Variants in PEX7 observed in about 807,000 individuals in gnomAD.
PEX7 encodes peroxisomal biogenesis factor 7, also known as PTS2 receptor.
PEX7 carries 34 observed loss-of-function variants against 47.5 expected under a neutral mutation model. The observed-to-expected ratio is 0.72, with a 90% CI of 0.54 to 0.95. PEX7 has a LOEUF of 0.95. Among genes scored for constraint, PEX7 ranks in the 40% least tolerant of loss-of-function variants. The probability of loss-of-function intolerance (pLI) is 0.00; values close to 1 mark genes in which losing one functional copy is unlikely to be tolerated. For synonymous variants in PEX7, 141 were observed against 148.8 expected, an observed-to-expected ratio of 0.95 and a Z score of 0.38; for missense variants, 394 against 400.3, an observed-to-expected ratio of 0.98 and a Z score of 0.13.
chr6:136,830,009 T>C lies in PEX7; in HGVS notation c.339+3540T>C, dbSNP rs755511272. The C allele has an allele frequency of 9.8e-6, 7 of 711,212 alleles. No individual in the cohort carries two copies. The African/African-American group carries it at 1.2e-4, about 13-fold the overall frequency. 44.1% of individuals were successfully genotyped at this position (711,212 alleles called of 1,614,324 possible). The stretch of plus-strand genomic sequence containing the variant: ...TCTGTTTTTTTTTTTTCCACCAGTA[T>C]GTTCAGGGAAGCTGTGTTGTGAAAT... On this transcript the variant is annotated intron_variant, in intron 3 of 9. Coordinates refer to ENST00000318471, the MANE Select transcript of PEX7 (RefSeq NM_000288.4).
chr6:136,861,370 A>G (rs1231122161), intron 5 of PEX7, among the ~76,000 whole-genome samples: 1 of 152,222 alleles, frequency 6.6e-6, no homozygotes, highest in Non-Finnish European at 1.5e-5. Flanking sequence ...AGTGTGAGCC[A>G]CCATGCCTGA....
At chr6:136,899,264 CAG>C (rs968912371) in intron 9 of PEX7, among the ~76,000 whole-genome samples, 2 of 143,108 alleles carry the variant, frequency 1.4e-5, no homozygotes, top group Non-Finnish European at 3.0e-5. Context: ...TTTTTTTTGA[CAG>C]AGTTTTTGCT....
At chr6:136,869,742 T>C in intron 6 of PEX7, 148 bp from the exon 7 acceptor site, 1 of 754,746 alleles carries the variant, frequency 1.3e-6, no homozygotes, top group Non-Finnish European at 2.4e-6. Context: ...TTGATTCCTG[T>C]CTATACTTGT....
At chr6:136,833,791 A>G (rs1487601994) in intron 3 of PEX7, among the ~76,000 whole-genome samples, 1 of 152,166 alleles carries the variant, frequency 6.6e-6, no homozygotes, top group African/African-American at 2.4e-5. Flanking sequence ...TTCAATTCTC[A>G]TGTTTTAAAA....
At chr6:136,844,756 G>GT (rs1167753962) in intron 3 of PEX7, among the ~76,000 whole-genome samples, 2 of 151,748 alleles carry the variant, frequency 1.3e-5, no homozygotes, top group Admixed American at 6.6e-5. Context: ...TATTACTGAT[G>GT]TTTTTTTTCC....
chr6:136,897,157 C>T (rs1199263258), intron 8 of PEX7, among the ~76,000 whole-genome samples: 1 of 152,192 alleles, frequency 6.6e-6, no homozygotes. Context: ...AGGGCCAACT[C>T]TGTATTTATT....
intron 9 of PEX7, among the ~76,000 whole-genome samples, chr6:136,906,754 C>T (rs1433386704): frequency 2.0e-5 from 3 of 152,180 alleles, no homozygotes; most frequent in African/African-American, 7.2e-5. Context: ...AATTCCTGGA[C>T]AATCACTCCT....
At chr6:136,904,899 C>T (rs1562759301) in intron 9 of PEX7, among the ~76,000 whole-genome samples, 1 of 152,156 alleles carries the variant, frequency 6.6e-6, no homozygotes, top group Non-Finnish European at 1.5e-5. Flanking sequence ...AATTTCCTTT[C>T]TCTTGATTAT....
chr6:136,823,416 G>A (rs555537736), intron 1 of PEX7: 3 of 922,772 alleles, frequency 3.3e-6, no homozygotes, highest in South Asian at 5.0e-5. Flanking sequence ...GTCTCCCGTC[G>A]CGCGCATTGG....
At chr6:136,906,086 C>G (rs1775840326) in intron 9 of PEX7, among the ~76,000 whole-genome samples, 1 of 152,164 alleles carries the variant, frequency 6.6e-6, no homozygotes, top group East Asian at 1.9e-4. Flanking sequence ...CCCATTGATT[C>G]TCCATGTTGC....
Position 136,822,742 on chromosome 6 carries a change from C to A in PEX7, c.77C>A (p.Pro26Gln). 6.7e-7 allele frequency: 1 copy of A among 1,496,836 alleles called. No homozygotes were observed. 92.7% of individuals were successfully genotyped at this position (1,496,836 alleles called of 1,614,324 possible). A position where few individuals can be genotyped will look rare whatever the true frequency, so the allele number is the denominator to read the frequency against. The part of the protein sequence containing the change: ...GRHGYAAEFS[P>Q]YLPGRLACAT... ...CACGGCTACGCCGCCGAGTTCTCCC[C>A]GTACCTGCCGGGCCGCCTGGCCTGC... Residue 26 changes from proline (P) to glutamine (Q), a missense_variant, in exon 1 of 10, where the codon CCG becomes CAG. Pro to Gln is a moderately conservative substitution (Grantham distance 76). Transcript: ENST00000318471.
intron 5 of PEX7, among the ~76,000 whole-genome samples, chr6:136,847,667 T>G (rs575055233): frequency 3.8e-4 from 57 of 151,614 alleles, no homozygotes; most frequent in African/African-American, 1.2e-3. Context: ...ATATGCGGCA[T>G]TATTTCTGAG....
rs187307238 is a variant in PEX7 at position 136,846,413 on chromosome 6, G to A, written c.526+232G>A. Among the ~76,000 whole-genome samples, 300 of 152,038 alleles carry A rather than the reference G, an allele frequency of 2.0e-3. 3 individuals carry two copies. Among genetic ancestry groups the A allele is most frequent in the African/African-American group, 6.5e-3 (270 of 41,452 alleles). ...ACGTGCGGGTTTGTTACATGTGTGT[G>A]CATGTGTGCCATGTTGGTGTGCTGC... On this transcript the variant is annotated intron_variant, in intron 5 of 9. Coordinates refer to ENST00000318471, the MANE Select transcript of PEX7 (RefSeq NM_000288.4).
intron 9 of PEX7, among the ~76,000 whole-genome samples, chr6:136,902,158 A>C (rs753243975): frequency 6.6e-6 from 1 of 152,146 alleles, no homozygotes; most frequent in Admixed American, 6.5e-5. Flanking sequence ...AAGTTAATTT[A>C]ATTTTACTCT....
At chr6:136,878,241 C>T (rs952828410) in intron 8 of PEX7, among the ~76,000 whole-genome samples, 1 of 152,216 alleles carries the variant, frequency 6.6e-6, no homozygotes, top group African/African-American at 2.4e-5. Flanking sequence ...ACAATCATGT[C>T]ATCTGCAAAC....
intron 3 of PEX7, among the ~76,000 whole-genome samples, chr6:136,835,141 T>C (rs1248544397): frequency 6.6e-6 from 1 of 152,088 alleles, no homozygotes; most frequent in Non-Finnish European, 1.5e-5. Context: ...GTCAGGCTGG[T>C]CTTGAACTCC....
At chr6:136,832,529 A>T (rs1246284881) in intron 3 of PEX7, among the ~76,000 whole-genome samples, 2 of 152,216 alleles carry the variant, frequency 1.3e-5, no homozygotes, top group African/African-American at 2.4e-5. Context: ...CCCCCCAAGA[A>T]ATAGGTTTTT....
At position 136,907,781 on chromosome 6, in the gene PEX7, G is replaced by A. The variant is rs566551272; in HGVS notation, c.904-5677G>A. On this transcript the variant is annotated intron_variant, in intron 9 of 9. Transcript: ENST00000318471. ...TTGCATGTGTAAATATTTTAATAAA[G>A]TGGAGGGAATTGATGCAATTAAGGG... Among the ~76,000 whole-genome samples the A allele has an allele frequency of 2.6e-5, 4 of 152,206 alleles. No homozygotes were observed. In the South Asian group the frequency reaches 8.3e-4, roughly 32 times the overall value.
intron 8 of PEX7, among the ~76,000 whole-genome samples, chr6:136,894,444 G>A (rs1775609539): frequency 6.6e-6 from 1 of 152,176 alleles, no homozygotes; most frequent in Non-Finnish European, 1.5e-5. Flanking sequence ...ACAAAAATTA[G>A]CTGAGCGTAG....
Sources: gnomAD v4.1 joint callset for allele counts (sites outside exome capture counted in the v4.1 genomes callset) on GRCh38, gnomAD v4.1.1 for gene constraint, MANE v1.5 for transcripts, NCBI Gene and HGNC (gene_info 2026-07-23, HGNC 2026-07-21) for gene names.